The following LAMA2 variants were observed in gnomAD, a reference collection of about 807,000 sequenced individuals.
LAMA2 encodes the protein laminin subunit alpha-2.
LAMA2 carries 269 observed loss-of-function variants against 364.8 expected under a neutral mutation model. The ratio of observed to expected loss-of-function variants is 0.74; its 90% confidence interval spans 0.67 to 0.82. LAMA2 has a LOEUF of 0.82. LAMA2 is among the 40% of genes least tolerant of loss of function. LAMA2 has a pLI of 0.00. For synonymous variants in LAMA2, 1,379 were observed against 1,370.6 expected (o/e 1.01, Z -0.14); for missense variants, 3,807 against 3,873.2 (o/e 0.98, Z 0.45).
intron 1 of LAMA2, among the ~76,000 whole-genome samples, chr6:128,889,903 C>CA (rs1336240963): frequency 6.6e-6 from 1 of 152,136 alleles, no homozygotes; most frequent in East Asian, 1.9e-4. Context: ...GTGACATTTA[C>CA]AAAAGATCAT....
intron 48 of LAMA2, among the ~76,000 whole-genome samples, chr6:129,456,925 A>G (rs943022215): frequency 6.6e-6 from 1 of 152,172 alleles, no homozygotes; most frequent in Non-Finnish European, 1.5e-5. Context: ...TCAAAACATG[A>G]TCTGGTTTTT....
chr6:128,989,204 A>T (rs1411511144), intron 1 of LAMA2, among the ~76,000 whole-genome samples: 1 of 152,200 alleles, frequency 6.6e-6, no homozygotes, highest in African/African-American at 2.4e-5. Context: ...AATTTATAGT[A>T]AAGAATATGT....
chr6:129,508,216 A>C (rs1212891453), intron 62 of LAMA2, among the ~76,000 whole-genome samples: 1 of 117,896 alleles, frequency 8.5e-6, no homozygotes, highest in Non-Finnish European at 1.9e-5. Flanking sequence ...CTACATAATA[A>C]TTTTTTAATC....
intron 40 of LAMA2, among the ~76,000 whole-genome samples, chr6:129,423,467 A>G (rs76748915): frequency 6.6e-6 from 1 of 152,182 alleles, no homozygotes; most frequent in East Asian, 1.9e-4. Context: ...AGGCAGGTGG[A>G]TTGCTTGAGG....
intron 3 of LAMA2, among the ~76,000 whole-genome samples, chr6:129,069,071 G>T (rs1453307152): frequency 6.6e-6 from 1 of 151,986 alleles, no homozygotes; most frequent in East Asian, 1.9e-4. Context: ...CCTAGAAAAT[G>T]CTTCTTGAAG....
intron 12 of LAMA2, among the ~76,000 whole-genome samples, chr6:129,212,841 G>A (rs1210383648): frequency 6.6e-6 from 1 of 152,184 alleles, no homozygotes; most frequent in African/African-American, 2.4e-5. Flanking sequence ...TTGATTTAAT[G>A]TTGTTTAGTT....
intron 4 of LAMA2, among the ~76,000 whole-genome samples, chr6:129,111,151 T>C (rs12202461): frequency 0.017 from 2,594 of 152,074 alleles, 44 homozygotes; most frequent in Non-Finnish European, 0.027. Flanking sequence ...AGGCCCCTGC[T>C]ATGAAGTGAA....
intron 48 of LAMA2, among the ~76,000 whole-genome samples, chr6:129,458,779 G>C (rs1372440972): frequency 6.6e-6 from 1 of 152,018 alleles, no homozygotes; most frequent in African/African-American, 2.4e-5. Flanking sequence ...GCCTAGGTGT[G>C]TAGTAGGCTA....
intron 34 of LAMA2, among the ~76,000 whole-genome samples, chr6:129,381,668 A>C (rs990842192): frequency 3.9e-5 from 6 of 152,320 alleles, no homozygotes; most frequent in East Asian, 1.9e-4. Context: ...AGTTTATCCC[A>C]AAAAAATTTT....
At chr6:128,899,151 C>A (rs187877715) in intron 1 of LAMA2, among the ~76,000 whole-genome samples, 31 of 152,230 alleles carry the variant, frequency 2.0e-4, no homozygotes, top group Admixed American at 6.5e-5. Context: ...TATAAAATGG[C>A]CTTCATCTCC....
At chr6:128,894,315 A>AT (rs1776638322) in intron 1 of LAMA2, among the ~76,000 whole-genome samples, 1 of 152,188 alleles carries the variant, frequency 6.6e-6, no homozygotes, top group Non-Finnish European at 1.5e-5. Context: ...TTTTAATTAC[A>AT]TTTTTTATGA....
At chr6:129,022,787 A>G (rs1331676745) in intron 1 of LAMA2, among the ~76,000 whole-genome samples, 1 of 152,208 alleles carries the variant, frequency 6.6e-6, no homozygotes, top group Non-Finnish European at 1.5e-5. Context: ...TGCAGGAGGC[A>G]GAATAATAAC....
At chr6:129,478,262 TAAAC>T (rs1251484193) in intron 53 of LAMA2, among the ~76,000 whole-genome samples, 1 of 110,680 alleles carries the variant, frequency 9.0e-6, no homozygotes, top group East Asian at 2.8e-4. Context: ...TCAAAATAAA[TAAAC>T]GTTTTCAGAT....
At chr6:129,171,333 T>G (rs890626464) in intron 9 of LAMA2, among the ~76,000 whole-genome samples, 1 of 152,200 alleles carries the variant, frequency 6.6e-6, no homozygotes, top group Non-Finnish European at 1.5e-5. Context: ...TTTCCATGTT[T>G]AGTGCTTCCT....
intron 4 of LAMA2, among the ~76,000 whole-genome samples, chr6:129,143,412 T>C (rs151283085): frequency 1.3e-5 from 2 of 152,168 alleles, no homozygotes; most frequent in African/African-American, 4.8e-5. Flanking sequence ...CCTTGTAATT[T>C]TTGTTCTCCA....
chr6:129,343,968 G>C (rs1243296551), intron 30 of LAMA2, among the ~76,000 whole-genome samples: 1 of 152,098 alleles, frequency 6.6e-6, no homozygotes, highest in Admixed American at 6.6e-5. Context: ...ACAGAATTTG[G>C]AACATGGCGT....
chr6:128,984,211 T>C (rs1783074415), intron 1 of LAMA2, among the ~76,000 whole-genome samples: 1 of 152,196 alleles, frequency 6.6e-6, no homozygotes, highest in Admixed American at 6.5e-5. Context: ...TTTTGTGTTA[T>C]TTTGTTTTCT....
intron 4 of LAMA2, among the ~76,000 whole-genome samples, chr6:129,107,896 C>T (rs1425150025): frequency 6.6e-6 from 1 of 152,144 alleles, no homozygotes; most frequent in Non-Finnish European, 1.5e-5. Context: ...ATCTGCTCTG[C>T]CCTATAAGCT....
chr6:129,457,964 C>T (rs557056163), intron 48 of LAMA2, among the ~76,000 whole-genome samples: 4 of 152,102 alleles, frequency 2.6e-5, no homozygotes, highest in Admixed American at 6.6e-5. Context: ...ACTCACCTCT[C>T]AAATGCCCTG....
Sources: allele counts gnomAD v4.1 joint callset (sites outside exome capture counted in the v4.1 genomes callset), GRCh38; gene constraint gnomAD v4.1.1; transcripts MANE v1.5; gene names NCBI Gene and HGNC (gene_info 2026-07-23, HGNC 2026-07-21).